The following EP300 variants were observed in gnomAD, a reference collection of about 807,000 sequenced individuals.
EP300 encodes the protein EP300 lysine acetyltransferase, also known as histone acetyltransferase p300.
EP300 carries 31 observed loss-of-function variants against 264.0 expected under a neutral mutation model. That is an observed-to-expected ratio of 0.12 (90% confidence interval 0.09 to 0.16). The LOEUF is 0.16. Ranked by LOEUF, EP300 falls within the 10% of genes least tolerant of loss-of-function variation. EP300 has a pLI of 1.00. For missense variants in EP300, 2,766 were observed against 3,052.9 expected (o/e 0.91, Z 2.21); for synonymous variants, 1,340 against 1,045.4 (o/e 1.28, Z -5.44).
At chr22:41,145,878 G>A (rs375386746) in intron 10 of EP300, among the ~76,000 whole-genome samples, 1,678 of 151,868 alleles carry the variant, frequency 0.011, 16 homozygotes, top group Non-Finnish European at 0.017. Context: ...CTCGTGATCC[G>A]CCCGCCTCGG....
chr22:41,177,552 T>C lies in EP300; in HGVS notation c.5841T>C (p.Ile1947=), dbSNP rs2145518062. Residue 1947 remains isoleucine, a synonymous_variant, in exon 31 of 31, where the codon ATT becomes ATC. Coordinates refer to ENST00000263253, the MANE Select transcript of EP300 (RefSeq NM_001429.4). ...AGCGCCAGATGGCCCACGTGCAAAT[T>C]TTTCAAAGGCCAATCCAACACCAGA... ...ETQRQMAHVQ[I]FQRPIQHQMP... is the part of the protein sequence containing the mutation. 6.2e-7 allele frequency: 1 copy of C among 1,613,922 alleles called. No homozygotes were observed. Among genetic ancestry groups the C allele is most frequent in the Non-Finnish European group, 8.5e-7 (1 of 1,179,984 alleles).
At chr22:41,157,056 C>T in intron 17 of EP300, 113 bp from the exon 18 acceptor site, 1 of 1,321,034 alleles carries the variant, frequency 7.6e-7, no homozygotes, top group Non-Finnish European at 1.1e-6. Context: ...GGAATATAGA[C>T]AGGCCAGAAA....
intron 27 of EP300, among the ~76,000 whole-genome samples, chr22:41,170,877 A>C (rs1266385414): frequency 1.3e-5 from 2 of 150,046 alleles, no homozygotes; most frequent in Non-Finnish European, 3.0e-5. Context: ...GTTAGCCAGG[A>C]TGGTCTCGAT....
intron 1 of EP300, among the ~76,000 whole-genome samples, chr22:41,105,059 T>C (rs966030384): frequency 6.6e-6 from 1 of 151,256 alleles, no homozygotes; most frequent in African/African-American, 2.4e-5. Flanking sequence ...TAGCCGGGCG[T>C]AGTGGCGGGC....
intron 27 of EP300, 42 bp from the exon 28 acceptor site, chr22:41,172,457 A>AATTT (rs1376444492): frequency 6.5e-7 from 1 of 1,530,116 alleles, no homozygotes; most frequent in Non-Finnish European, 9.0e-7. Flanking sequence ...AATGCTTTAA[A>AATTT]AGAACATAGA....
chr22:41,114,605 C>T (rs1382121300), intron 1 of EP300, among the ~76,000 whole-genome samples: 1 of 152,064 alleles, frequency 6.6e-6, no homozygotes, highest in Non-Finnish European at 1.5e-5. Context: ...CATATATGAC[C>T]ACATGTTGGT....
chr22:41,118,946 G>A (rs139316897), intron 2 of EP300, among the ~76,000 whole-genome samples: 7 of 151,342 alleles, frequency 4.6e-5, no homozygotes, highest in African/African-American at 1.7e-4. Flanking sequence ...TGACAAGTTA[G>A]GATTCTGTTT....
At chr22:41,160,898 C>T (rs2059104398) in intron 20 of EP300, among the ~76,000 whole-genome samples, 176 bp downstream of exon 20, 1 of 152,314 alleles carries the variant, frequency 6.6e-6, no homozygotes, top group African/African-American at 2.4e-5. Context: ...GGAATACTCA[C>T]ATTTCAACTG....
chr22:41,111,951 G>C (rs1486916541), intron 1 of EP300, among the ~76,000 whole-genome samples: 1 of 114,246 alleles, frequency 8.8e-6, no homozygotes, highest in Non-Finnish European at 1.6e-5. Context: ...GCAGTGGCGC[G>C]ATGTCCACTC....
intron 24 of EP300, 39 bp downstream of exon 24, chr22:41,168,638 A>C (rs1368284149): frequency 6.2e-7 from 1 of 1,614,228 alleles, no homozygotes; most frequent in Non-Finnish European, 8.5e-7. Context: ...TCGTGGATCC[A>C]AAATTGCTCA....
At chr22:41,165,425 C>A (rs1569114429) in intron 22 of EP300, among the ~76,000 whole-genome samples, 7 of 152,058 alleles carry the variant, frequency 4.6e-5, no homozygotes. Context: ...CATACATTTT[C>A]TTTTTTTCTT....
At chr22:41,151,411 T>C (rs1450250736) in intron 14 of EP300, among the ~76,000 whole-genome samples, 2 of 152,250 alleles carry the variant, frequency 1.3e-5, no homozygotes, top group Non-Finnish European at 2.9e-5. Flanking sequence ...ACAGCCACTC[T>C]CTGGGACATC....
At chr22:41,166,480 C>G (rs2059135157) in intron 22 of EP300, 119 bp from the exon 23 acceptor site, 8 of 758,650 alleles carry the variant, frequency 1.1e-5, no homozygotes, top group Non-Finnish European at 1.8e-5. Flanking sequence ...GTTTTATTAA[C>G]TCTTCATTAG....
In EP300 at chr22:41,178,990, T is replaced by G; in HGVS notation, c.*34T>G. 1 of 1,610,590 alleles carries G rather than the reference T, an allele frequency of 6.2e-7. No individual in the cohort carries two copies. Reference sequence around the variant, plus strand: ...TGTAGTATTTTGGGAGCAAAAAAATTATTTTCTCTTAACAAGACTTTTTGT... The same window carrying G: ...TGTAGTATTTTGGGAGCAAAAAAATGATTTTCTCTTAACAAGACTTTTTGT... On this transcript the variant is annotated 3_prime_UTR_variant, in exon 31 of 31. Coordinates refer to ENST00000263253, the MANE Select transcript of EP300 (RefSeq NM_001429.4).
rs146041458 is a variant in EP300, at chr22:41,117,605, G to A, written c.513G>A (p.Ala171=). The change falls in exon 2 of 31, where the codon GCG becomes GCA. Residue 171 remains alanine (A), a synonymous_variant. Coordinates refer to ENST00000263253, the MANE Select transcript of EP300 (RefSeq NM_001429.4). The part of the protein sequence containing the change: ...PAMGMNTGMN[A]GMNPGMLAAG... Reference sequence around the variant, plus strand: ...TGGGAATGAACACAGGGATGAATGCGGGCATGAATCCTGGAATGTTGGCTG... The same window carrying A: ...TGGGAATGAACACAGGGATGAATGCAGGCATGAATCCTGGAATGTTGGCTG... 104 of 1,614,076 alleles carry A rather than the reference G, an allele frequency of 6.4e-5. No individual in the cohort carries two copies. The highest frequency in any genetic ancestry group is 5.1e-4 in the African/African-American group (38 of 74,946).
intron 26 of EP300, 22 bp downstream of exon 26, chr22:41,169,638 C>A: frequency 7.3e-7 from 1 of 1,370,016 alleles, no homozygotes; most frequent in Non-Finnish European, 1.0e-6. Context: ...TTGATAATGG[C>A]TTTTTTTCTT....
rs1469580185 is a variant in EP300 at position 41,092,670 on chromosome 22, G to T, written c.-335G>T. Reference sequence around the variant, plus strand: ...TCCGAGAGACCTCGGCTGGGCAGGGGCCGGCCGTGGCGGGCCGGGGACTGC... The same window carrying T: ...TCCGAGAGACCTCGGCTGGGCAGGGTCCGGCCGTGGCGGGCCGGGGACTGC... On this transcript the variant is annotated 5_prime_UTR_variant, in exon 1 of 31. Transcript: ENST00000263253. 1.6e-6 allele frequency: 1 copy of T among 629,732 alleles called. No individual in the cohort carries two copies. The highest frequency in any genetic ancestry group is 2.9e-6 in the Non-Finnish European group (1 of 348,666). The allele number at this position is 629,732 out of a possible 1,614,324, so 39.0% of individuals were successfully genotyped here.
intron 6 of EP300, among the ~76,000 whole-genome samples, chr22:41,133,287 A>G (rs1049272567): frequency 6.6e-6 from 1 of 151,364 alleles, no homozygotes; most frequent in African/African-American, 2.4e-5. Flanking sequence ...CCTCCCAAAT[A>G]GCTGGGATTA....
chr22:41,176,066 A>C, intron 29 of EP300, 181 bp from the exon 30 acceptor site: 1 of 687,248 alleles, frequency 1.5e-6, no homozygotes. Context: ...CAAAAAATGC[A>C]GAAATTAGCC....
Sources: gnomAD v4.1 joint callset for allele counts (sites outside exome capture counted in the v4.1 genomes callset) on GRCh38, gnomAD v4.1.1 for gene constraint, MANE v1.5 for transcripts, NCBI Gene and HGNC (gene_info 2026-07-23, HGNC 2026-07-21) for gene names.